Variants in ZBTB1 observed in about 807,000 individuals in gnomAD.
The protein encoded by ZBTB1 is zinc finger and BTB domain containing 1, also known as zinc finger and BTB domain-containing protein 1.
ZBTB1 carries 13 observed loss-of-function variants against 51.6 expected under a neutral mutation model. The ratio of observed to expected loss-of-function variants is 0.25; its 90% confidence interval spans 0.16 to 0.40. The LOEUF (loss-of-function observed/expected upper bound fraction) is 0.40. Among genes scored for constraint, ZBTB1 ranks in the 10% least tolerant of loss-of-function variants. The pLI, the probability that ZBTB1 is intolerant of heterozygous loss-of-function variation, is 1.00. For missense variants in ZBTB1, 567 were observed against 856.5 expected, an observed-to-expected ratio of 0.66 and a Z score of 4.22; for synonymous variants, 240 against 282.2, an observed-to-expected ratio of 0.85 and a Z score of 1.50.
chr14:64,522,579 G>A lies in ZBTB1; in HGVS notation c.1075G>A (p.Asp359Asn). Residue 359 changes from aspartate (D) to asparagine (N), a missense_variant, in exon 2 of 2, where the codon GAT (aspartate) becomes AAT (asparagine). Physicochemically the swap from Asp to Asn is conservative, Grantham distance 23 (BLOSUM62 1). Around this residue, in one of 5 missense-constraint regions of ZBTB1, gnomAD observed 329 missense variants for 406.3 expected, o/e 0.81. Coordinates refer to ENST00000683701, the MANE Select transcript of ZBTB1 (RefSeq NM_001123329.2). ...AGACTGTAATGAATCCACTGACAAT[G>A]ATGAATTAGAAGATGAACCTGAAGA... ...DKDCNESTDN[D>N]ELEDEPEEPF... The A allele has an allele frequency of 6.2e-7, 1 of 1,613,816 alleles. No homozygotes were observed. The highest frequency in any genetic ancestry group is 1.7e-5 in the Admixed American group (1 of 59,966).
At chr14:64,531,799 C>T in intron 2 of ZBTB1, 1 of 1,597,866 alleles carries the variant, frequency 6.3e-7, no homozygotes. Context: ...TATGTTGTAT[C>T]TTGTAGAGCA....
chr14:64,515,261 C>T (rs958113266), intron 1 of ZBTB1, among the ~76,000 whole-genome samples: 18 of 152,266 alleles, frequency 1.2e-4, no homozygotes, highest in African/African-American at 4.1e-4. Context: ...CCCTTGACTT[C>T]TAGTTGTGCT....
At chr14:64,530,666 A>C (rs533179988) in intron 2 of ZBTB1, among the ~76,000 whole-genome samples, 2 of 152,308 alleles carry the variant, frequency 1.3e-5, no homozygotes, top group East Asian at 1.9e-4. Flanking sequence ...TATGCACACA[A>C]TTGGTTGAAT....
Position 64,504,775 on chromosome 14 carries a change from A to G in ZBTB1, c.-190A>G. On this transcript the variant is annotated 5_prime_UTR_variant, in exon 1 of 2. Transcript: ENST00000683701. ...TGCGGCAGCGGAAGTCCTTTGTTGC[A>G]GCACAGTCCCTGGCAGAGCCAGAGC... The G allele has an allele frequency of 2.6e-6, 1 of 379,190 alleles. No homozygotes were observed. The highest frequency in any genetic ancestry group is 4.7e-6 in the Non-Finnish European group (1 of 213,614). The allele number at this position is 379,190 out of a possible 1,614,324, so 23.5% of individuals were successfully genotyped here.
At chr14:64,521,247 A>T (rs2079857448) in intron 1 of ZBTB1, among the ~76,000 whole-genome samples, 1 of 152,212 alleles carries the variant, frequency 6.6e-6, no homozygotes, top group South Asian at 2.1e-4. Flanking sequence ...ATGAAACTAA[A>T]ACTGTCTTTT....
In ZBTB1 at chr14:64,522,530, T is replaced by A; in HGVS notation, c.1026T>A (p.Phe342Leu). 3.1e-6 allele frequency: 5 copies of A among 1,614,048 alleles called. No homozygotes were observed. The highest frequency in any genetic ancestry group is 4.2e-6 in the Non-Finnish European group (5 of 1,179,972). ...TTCCTACAGATGAACTGAAAGACTTTAACATTATTAAAGTTACTGATAAAG... is the reference window on the plus strand; with the variant it reads ...TTCCTACAGATGAACTGAAAGACTTAAACATTATTAAAGTTACTGATAAAG... ...EDIPTDELKDFNIIKVTDKDC... is the reference protein window; with the variant it reads ...EDIPTDELKDLNIIKVTDKDC... The change falls in exon 2 of 2, where the codon TTT becomes TTA. Residue 342 changes from phenylalanine to leucine, a missense_variant. Physicochemically the swap from Phe to Leu is conservative, Grantham distance 22 (BLOSUM62 0). Around this residue, in one of 5 missense-constraint regions of ZBTB1, gnomAD observed 329 missense variants for 406.3 expected, o/e 0.81. Coordinates refer to ENST00000683701, the MANE Select transcript of ZBTB1 (RefSeq NM_001123329.2).
upstream of ZBTB1, chr14:64,504,085 G>A (rs2079591905): frequency 1.3e-5 from 2 of 152,438 alleles, no homozygotes; most frequent in African/African-American, 4.8e-5. Flanking sequence ...TCAGTTCTGG[G>A]GTGAAGGTGG....
At position 64,524,672 on chromosome 14, in the gene ZBTB1, G is replaced by A. The variant is rs1312160405; in HGVS notation, c.*1026G>A. The A allele has an allele frequency of 5.1e-6, 5 of 984,854 alleles. No individual in the cohort carries two copies. Among genetic ancestry groups the A allele is most frequent in the Non-Finnish European group, 6.0e-6 (5 of 829,582 alleles). 61.0% of individuals were successfully genotyped at this position (984,854 alleles called of 1,614,324 possible). On this transcript the variant is annotated 3_prime_UTR_variant, in exon 2 of 2. Transcript: ENST00000683701. The stretch of plus-strand genomic sequence containing the variant: ...CCTGGTTGTTCTATAAAAGTAGAGT[G>A]CACAAAAAAATGTCTTGTGTTTTAT...
At chr14:64,528,702 C>T (rs1442514874), downstream of ZBTB1, among the ~76,000 whole-genome samples, 1 of 152,168 alleles carries the variant, frequency 6.6e-6, no homozygotes, top group Non-Finnish European at 1.5e-5. Context: ...CACTTAATAA[C>T]CCCAGCATCC....
At chr14:64,518,422 A>G (rs982669948) in intron 1 of ZBTB1, 2 of 152,224 alleles carry the variant, frequency 1.3e-5, no homozygotes, top group East Asian at 1.9e-4. Context: ...AGCAGGTTTC[A>G]TCATAAGCCA....
At chr14:64,513,755 G>A (rs1461140340) in intron 1 of ZBTB1, among the ~76,000 whole-genome samples, 1 of 152,138 alleles carries the variant, frequency 6.6e-6, no homozygotes, top group Non-Finnish European at 1.5e-5. Flanking sequence ...TCTGCCTCCA[G>A]GTTCAAGCGA....
chr14:64,530,243 C>T (rs2079932995), intron 2 of ZBTB1, among the ~76,000 whole-genome samples: 1 of 152,176 alleles, frequency 6.6e-6, no homozygotes, highest in African/African-American at 2.4e-5. Context: ...ATTCTGTGGA[C>T]AATGTCTATA....
chr14:64,506,884 C>G (rs2079666489), intron 1 of ZBTB1, among the ~76,000 whole-genome samples: 1 of 152,212 alleles, frequency 6.6e-6, no homozygotes, highest in Non-Finnish European at 1.5e-5. Context: ...CAGCCACTTG[C>G]TCTTGACCTT....
intron 2 of ZBTB1, among the ~76,000 whole-genome samples, chr14:64,529,983 T>A (rs1223355022): frequency 6.6e-6 from 1 of 152,120 alleles, no homozygotes; most frequent in African/African-American, 2.4e-5. Context: ...GTTTTACTCA[T>A]AAAACAAATG....
intron 1 of ZBTB1, among the ~76,000 whole-genome samples, chr14:64,515,677 C>T (rs1203163474): frequency 2.6e-5 from 4 of 152,016 alleles, no homozygotes; most frequent in Non-Finnish European, 5.9e-5. Context: ...CCTGCCACCA[C>T]GCCCGGCTAA....
exon 3 of ZBTB1, chr14:64,532,633 A>T (rs992995542): frequency 1.3e-5 from 2 of 152,104 alleles, no homozygotes; most frequent in Non-Finnish European, 2.9e-5. Context: ...CAGACACATT[A>T]TTTTCTTCTG....
intron 2 of ZBTB1, among the ~76,000 whole-genome samples, chr14:64,530,375 G>A (rs1007617764): frequency 6.6e-6 from 1 of 152,158 alleles, no homozygotes; most frequent in Non-Finnish European, 1.5e-5. Context: ...TTGAGAGGCC[G>A]AGGCAGGTGA....
At chr14:64,527,135 G>A (rs958610768), downstream of ZBTB1, among the ~76,000 whole-genome samples, 1 of 151,822 alleles carries the variant, frequency 6.6e-6, no homozygotes, top group African/African-American at 2.4e-5. Context: ...TAGAAGAAAG[G>A]ATCCCAGAGG....
At chr14:64,530,919 T>C (rs1389545263) in intron 2 of ZBTB1, among the ~76,000 whole-genome samples, 1 of 152,194 alleles carries the variant, frequency 6.6e-6, no homozygotes, top group Non-Finnish European at 1.5e-5. Flanking sequence ...GTACTAATCA[T>C]TATTGTATTA....
Sources: gnomAD v4.1 joint callset for allele counts (sites outside exome capture counted in the v4.1 genomes callset) on GRCh38, gnomAD v4.1.1 for gene constraint, gnomAD v4.1.1 regional missense constraint, MANE v1.5 for transcripts, NCBI Gene and HGNC (gene_info 2026-07-23, HGNC 2026-07-21) for gene names.